Variants in IGSF21 observed in about 807,000 individuals in gnomAD.
IGSF21 encodes the protein immunoglobin superfamily member 21.
A neutral mutation model predicts 46.8 loss-of-function variants in IGSF21; 28 were observed. The observed-to-expected ratio is 0.60, with a 90% CI of 0.44 to 0.82. The LOEUF (loss-of-function observed/expected upper bound fraction) is 0.82. Ranked by LOEUF, IGSF21 falls within the 40% of genes least tolerant of loss-of-function variation. IGSF21 has a pLI of 0.00. For synonymous variants in IGSF21, 284 were observed against 273.6 expected (o/e 1.04, Z -0.38); for missense variants, 624 against 665.5 (o/e 0.94, Z 0.69).
rs10562837 is a variant in IGSF21 at position 18,119,761 on chromosome 1, G to GT, written c.70+11576dup. ...AGGGGGCAAGGCTTTTAATAACGGT[G>GT]TTTTTTTTTTTTTCATTGTAATTAT... On this transcript the variant is annotated intron_variant, in intron 1 of 9. Transcript: ENST00000251296. Among the ~76,000 whole-genome samples, 207 of 150,120 alleles carry GT rather than the reference G, an allele frequency of 1.4e-3. 2 individuals are homozygous for GT. The highest frequency in any genetic ancestry group is 4.7e-3 in the African/African-American group (193 of 40,934).
chr1:18,214,870 T>C (rs2084427304), intron 1 of IGSF21, among the ~76,000 whole-genome samples: 1 of 152,168 alleles, frequency 6.6e-6, no homozygotes, highest in Admixed American at 6.5e-5. Context: ...GCCTCCCAAG[T>C]AGCTGGGACT....
In IGSF21 at chr1:18,266,035, C is replaced by T. The variant is rs557540698; in HGVS notation, c.184-25831C>T. ...GGCAAGGGGTTCTTTGCTATCAGAA[C>T]GTGCAGATGAGGTGGGAATGCCCCA... is the stretch of plus-strand genomic sequence containing the variant. On this transcript the variant is annotated intron_variant, in intron 2 of 9. Transcript: ENST00000251296. 3.9e-5 allele frequency among the ~76,000 whole-genome samples: 6 copies of T among 152,264 alleles called. 1 individual carries two copies. The South Asian group carries it at 1.0e-3, about 26-fold the overall frequency.
At position 18,321,228 on chromosome 1, in the gene IGSF21, G is replaced by A. The variant is rs74058108; in HGVS notation, c.306-13664G>A. Among the ~76,000 whole-genome samples the A allele has an allele frequency of 8.0e-3, 1,219 of 152,278 alleles. 9 individuals are homozygous for A. Among genetic ancestry groups the A allele is most frequent in the African/African-American group, 0.027 (1,130 of 41,544 alleles). On this transcript the variant is annotated intron_variant, in intron 3 of 9. Transcript: ENST00000251296. ...CTGCCCTTGGTCACCAGAAGCAGAG[G>A]CAGGTTGTGCACCAGGCCTCCATGT...
chr1:18,195,963 A>G (rs914596314), intron 1 of IGSF21, among the ~76,000 whole-genome samples: 13 of 152,368 alleles, frequency 8.5e-5, no homozygotes, highest in African/African-American at 3.1e-4. Flanking sequence ...TGGCAGGTGC[A>G]GAGCCCTTGG....
intron 4 of IGSF21, among the ~76,000 whole-genome samples, chr1:18,340,785 A>C (rs1249228194): frequency 6.6e-6 from 1 of 152,050 alleles, no homozygotes; most frequent in Non-Finnish European, 1.5e-5. Context: ...TCCCTGGCTT[A>C]TAGATGCATC....
At chr1:18,190,157 G>A (rs1481628178) in intron 1 of IGSF21, among the ~76,000 whole-genome samples, 1 of 152,176 alleles carries the variant, frequency 6.6e-6, no homozygotes, top group Non-Finnish European at 1.5e-5. Flanking sequence ...CTGTGCTGCT[G>A]GATGAGGACA....
chr1:18,124,123 C>T (rs2086256502), intron 1 of IGSF21, among the ~76,000 whole-genome samples: 1 of 152,224 alleles, frequency 6.6e-6, no homozygotes, highest in East Asian at 1.9e-4. Flanking sequence ...GACAGCCACA[C>T]TAGTTATAAA....
chr1:18,213,300 A>G (rs2084410895), intron 1 of IGSF21, among the ~76,000 whole-genome samples: 1 of 152,194 alleles, frequency 6.6e-6, no homozygotes, highest in Non-Finnish European at 1.5e-5. Context: ...ATAGTAGACT[A>G]ACTGCTGTAA....
At chr1:18,350,305 C>T (rs638770) in intron 4 of IGSF21, among the ~76,000 whole-genome samples, 83,904 of 151,888 alleles carry the variant, frequency 0.55, 23,165 homozygotes, top group South Asian at 0.63. Context: ...GGAGAGAGTA[C>T]TTCCTAGGGA....
At chr1:18,352,398 C>A (rs2085967165) in intron 4 of IGSF21, among the ~76,000 whole-genome samples, 1 of 152,174 alleles carries the variant, frequency 6.6e-6, no homozygotes, top group Non-Finnish European at 1.5e-5. Flanking sequence ...AGGGTGGGGA[C>A]TGCCGGACCC....
At chr1:18,271,047 ATAT>A (rs1266902726) in intron 2 of IGSF21, among the ~76,000 whole-genome samples, 1 of 152,218 alleles carries the variant, frequency 6.6e-6, no homozygotes, top group African/African-American at 2.4e-5. Flanking sequence ...AGAAGCTGAA[ATAT>A]TATTAGAAGG....
chr1:18,133,525 G>A (rs1031614729), intron 1 of IGSF21, among the ~76,000 whole-genome samples: 1 of 152,252 alleles, frequency 6.6e-6, no homozygotes. Flanking sequence ...CTGAGCAAAT[G>A]TGCTTTGTAA....
chr1:18,137,228 A>G (rs1199498998), intron 1 of IGSF21, among the ~76,000 whole-genome samples: 2 of 152,168 alleles, frequency 1.3e-5, no homozygotes, highest in Non-Finnish European at 2.9e-5. Context: ...TTCAATGACC[A>G]GATCACACAA....
chr1:18,213,826 CT>C (rs2084416691), intron 1 of IGSF21, among the ~76,000 whole-genome samples: 1 of 152,202 alleles, frequency 6.6e-6, no homozygotes, highest in Admixed American at 6.5e-5. Context: ...ACAGGAATCC[CT>C]CTCATCAGCC....
intron 3 of IGSF21, among the ~76,000 whole-genome samples, chr1:18,332,175 C>G (rs1352346420): frequency 6.6e-6 from 1 of 152,234 alleles, no homozygotes; most frequent in African/African-American, 2.4e-5. Flanking sequence ...AAACATGACA[C>G]CTGTGTCGCT....
At chr1:18,350,197 T>C (rs2085937391) in intron 4 of IGSF21, among the ~76,000 whole-genome samples, 2 of 152,220 alleles carry the variant, frequency 1.3e-5, no homozygotes, top group East Asian at 1.9e-4. Flanking sequence ...CATCCATCCA[T>C]TGGATATGGG....
Position 18,127,004 on chromosome 1 carries a change from C to T in IGSF21, c.70+18806C>T, listed in dbSNP as rs375382672. ...CACCCTGCATTTCTGACCCTCCCCA[C>T]GTACCCCATGCAAATACAAGCCCAG... On this transcript the variant is annotated intron_variant, in intron 1 of 9. Transcript: ENST00000251296. Among the ~76,000 whole-genome samples, 18 of 152,300 alleles carry T rather than the reference C, an allele frequency of 1.2e-4. No individual in the cohort carries two copies. In the South Asian group the frequency reaches 3.1e-3, roughly 26 times the overall value.
chr1:18,217,168 A>G (rs552144126), intron 1 of IGSF21, among the ~76,000 whole-genome samples: 1 of 152,284 alleles, frequency 6.6e-6, no homozygotes, highest in South Asian at 2.1e-4. Context: ...GTGATCCACA[A>G]TGGTTCTCTT....
chr1:18,143,958 C>A (rs1358965470), intron 1 of IGSF21, among the ~76,000 whole-genome samples: 1 of 152,110 alleles, frequency 6.6e-6, no homozygotes, highest in Non-Finnish European at 1.5e-5. Flanking sequence ...GATTTGGGAC[C>A]TCCCCAGGGC....
Sources: allele counts gnomAD v4.1 joint callset (sites outside exome capture counted in the v4.1 genomes callset), GRCh38; gene constraint gnomAD v4.1.1; transcripts MANE v1.5; gene names NCBI Gene and HGNC (gene_info 2026-07-23, HGNC 2026-07-21).